Variants in CDH13 observed in about 807,000 individuals in gnomAD.
CDH13 encodes cadherin 13.
CDH13 carries 24 observed loss-of-function variants against 63.8 expected under a neutral mutation model. The observed-to-expected ratio is 0.38, with a 90% confidence interval of 0.27 to 0.53. The LOEUF is 0.53. Among genes scored for constraint, CDH13 ranks in the 20% least tolerant of loss-of-function variants. The pLI, the probability that CDH13 is intolerant of heterozygous loss-of-function variation, is 0.85. For synonymous variants in CDH13, 503 were observed against 355.3 expected, an observed-to-expected ratio of 1.42 and a Z score of -4.67; for missense variants, 1,049 against 903.1, an observed-to-expected ratio of 1.16 and a Z score of -2.07.
At chr16:83,760,882 T>G (rs1913912249) in intron 11 of CDH13, among the ~76,000 whole-genome samples, 1 of 152,226 alleles carries the variant, frequency 6.6e-6, no homozygotes, top group South Asian at 2.1e-4. Flanking sequence ...CTCAGCATCT[T>G]GTTCCAAGGA....
Position 83,512,297 on chromosome 16 carries a change from G to A in CDH13, c.960+25642G>A, listed in dbSNP as rs2074587491. On this transcript the variant is annotated intron_variant, in intron 7 of 13. Transcript: ENST00000567109. ...GATTGCACCACTGCACTCTAGCCTG[G>A]CGGACAGAGTGAAACTCCGTCTCAA... Among the ~76,000 whole-genome samples, 3 of 149,526 alleles carry A rather than the reference G, an allele frequency of 2.0e-5. No homozygotes were observed. The South Asian group carries it at 6.4e-4, about 32-fold the overall frequency.
intron 5 of CDH13, among the ~76,000 whole-genome samples, chr16:83,250,555 G>T (rs968879213): frequency 2.2e-4 from 34 of 152,316 alleles, no homozygotes; most frequent in African/African-American, 7.9e-4. Flanking sequence ...AACCAGCCAT[G>T]CAGAGGTATG....
chr16:83,259,922 A>G (rs1282981156), intron 5 of CDH13, among the ~76,000 whole-genome samples: 1 of 152,178 alleles, frequency 6.6e-6, no homozygotes, highest in African/African-American at 2.4e-5. Flanking sequence ...TCATCGTGCA[A>G]CCAAATGAAC....
At chr16:83,296,465 C>T (rs1002171521) in intron 5 of CDH13, among the ~76,000 whole-genome samples, 5 of 151,958 alleles carry the variant, frequency 3.3e-5, no homozygotes, top group Non-Finnish European at 5.9e-5. Context: ...TAAGGGCAGA[C>T]GTATTTGGAA....
intron 4 of CDH13, among the ~76,000 whole-genome samples, chr16:83,203,939 A>G (rs2039107423): frequency 6.6e-6 from 1 of 152,230 alleles, no homozygotes; most frequent in Non-Finnish European, 1.5e-5. Flanking sequence ...GACAAAGCTC[A>G]GGGGGTGTGA....
At chr16:83,441,152 G>T (rs1357469281) in intron 6 of CDH13, among the ~76,000 whole-genome samples, 5 of 152,232 alleles carry the variant, frequency 3.3e-5, no homozygotes, top group Non-Finnish European at 7.3e-5. Context: ...GGCACAGCCA[G>T]GGTCAGTAGT....
At chr16:82,687,028 G>A (rs929403695) in intron 1 of CDH13, among the ~76,000 whole-genome samples, 2 of 152,138 alleles carry the variant, frequency 1.3e-5, no homozygotes, top group Non-Finnish European at 2.9e-5. Flanking sequence ...CTCTCCCTTC[G>A]TAGATGTAGG....
chr16:83,407,960 C>G (rs2092071967), intron 6 of CDH13, among the ~76,000 whole-genome samples: 1 of 152,164 alleles, frequency 6.6e-6, no homozygotes, highest in African/African-American at 2.4e-5. Context: ...AAGCCCTCTT[C>G]CCACAACATT....
At chr16:82,827,454 G>A (rs1334514306) in intron 1 of CDH13, among the ~76,000 whole-genome samples, 1 of 152,162 alleles carries the variant, frequency 6.6e-6, no homozygotes, top group East Asian at 1.9e-4. Context: ...ATGATGGGGA[G>A]AGGCTGTGAT....
At chr16:83,679,726 G>A (rs78929486) in intron 10 of CDH13, among the ~76,000 whole-genome samples, 3,943 of 152,322 alleles carry the variant, frequency 0.026, 82 homozygotes, top group Middle Eastern at 0.034. Flanking sequence ...TAGCTTAACA[G>A]ACTACAAGGT....
At chr16:82,852,256 C>T (rs2039522112) in intron 1 of CDH13, among the ~76,000 whole-genome samples, 1 of 152,208 alleles carries the variant, frequency 6.6e-6, no homozygotes, top group Non-Finnish European at 1.5e-5. Context: ...AAAGACTTTT[C>T]TGCCCTTGTT....
chr16:83,290,470 G>T (rs574936633), intron 5 of CDH13, among the ~76,000 whole-genome samples: 1 of 152,078 alleles, frequency 6.6e-6, no homozygotes, highest in Non-Finnish European at 1.5e-5. Flanking sequence ...TTCTGCACAC[G>T]CCTTCCTGCC....
At chr16:83,651,178 A>G (rs920120210) in intron 8 of CDH13, among the ~76,000 whole-genome samples, 3 of 152,186 alleles carry the variant, frequency 2.0e-5, no homozygotes, top group Non-Finnish European at 4.4e-5. Flanking sequence ...AGTTTAGATA[A>G]CAAGGGGACT....
At chr16:83,446,905 C>G (rs893178023) in intron 6 of CDH13, among the ~76,000 whole-genome samples, 2 of 151,448 alleles carry the variant, frequency 1.3e-5, no homozygotes, top group African/African-American at 4.9e-5. Context: ...CCATGTTTAC[C>G]TCTATCTCAA....
chr16:82,653,970 A>G (rs28439212), intron 1 of CDH13, among the ~76,000 whole-genome samples: 77,262 of 151,692 alleles, frequency 0.51, 20,182 homozygotes, highest in African/African-American at 0.65. Flanking sequence ...ACGGGGTTAC[A>G]GGGAGGGACA....
At chr16:83,325,470 C>T (rs2090339197) in intron 5 of CDH13, among the ~76,000 whole-genome samples, 1 of 152,158 alleles carries the variant, frequency 6.6e-6, no homozygotes, top group African/African-American at 2.4e-5. Flanking sequence ...GGCCAGATAA[C>T]AGGTACTTTA....
chr16:82,869,846 C>G (rs986997633), intron 2 of CDH13, among the ~76,000 whole-genome samples: 1 of 152,140 alleles, frequency 6.6e-6, no homozygotes, highest in East Asian at 1.9e-4. Flanking sequence ...GAATTAAAGA[C>G]TTAAATCTAA....
intron 5 of CDH13, among the ~76,000 whole-genome samples, chr16:83,322,656 A>T (rs1567590684): frequency 6.6e-6 from 1 of 152,150 alleles, no homozygotes; most frequent in Non-Finnish European, 1.5e-5. Flanking sequence ...GCCCAGATGA[A>T]GGATGAACTC....
At chr16:82,958,245 G>C (rs892324270) in intron 2 of CDH13, among the ~76,000 whole-genome samples, 2 of 152,138 alleles carry the variant, frequency 1.3e-5, no homozygotes, top group African/African-American at 4.8e-5. Context: ...AATTGTCCTC[G>C]GAGGAATAGC....
Sources: gnomAD v4.1 joint callset for allele counts (sites outside exome capture counted in the v4.1 genomes callset) on GRCh38, gnomAD v4.1.1 for gene constraint, MANE v1.5 for transcripts, NCBI Gene and HGNC (gene_info 2026-07-23, HGNC 2026-07-21) for gene names.